Variants in AKAP7 observed in about 807,000 individuals in gnomAD.
AKAP7 encodes the protein A kinase (PRKA) anchor protein 7.
AKAP7 carries 39 observed loss-of-function variants against 39.5 expected under a neutral mutation model. The observed-to-expected ratio is 0.99, with a 90% CI of 0.76 to 1.29. The LOEUF (loss-of-function observed/expected upper bound fraction) is 1.29, where lower values mean the gene tolerates loss of function less well. AKAP7 is among the 50% of genes most tolerant of loss of function. The pLI is 0.00. For synonymous variants in AKAP7, 140 were observed against 139.1 expected, an observed-to-expected ratio of 1.01 and a Z score of -0.05; for missense variants, 414 against 407.7, an observed-to-expected ratio of 1.02 and a Z score of -0.13.
At chr6:131,168,384 C>G (rs1423500420) in intron 4 of AKAP7, among the ~76,000 whole-genome samples, 27 of 151,286 alleles carry the variant, frequency 1.8e-4, no homozygotes, top group Admixed American at 1.8e-3. Context: ...TGCACTCCAG[C>G]TTGGGTGACA....
At position 131,282,322 on chromosome 6, in the gene AKAP7, GT is replaced by G. The variant is rs1320572652; in HGVS notation, c.*603del. On this transcript the variant is annotated 3_prime_UTR_variant, in exon 8 of 8. Transcript: ENST00000431975. ...TATAAAATGTGGGCAACATTTTAAA[GT>G]TTTTTTAAAATCCTATTTTGATAAG... The G allele has an allele frequency of 1.3e-5, 17 of 1,359,190 alleles. 1 individual carries two copies. The South Asian group carries it at 2.9e-4, about 23-fold the overall frequency. The allele number at this position is 1,359,190 out of a possible 1,614,324, so 84.2% of individuals were successfully genotyped here.
intron 5 of AKAP7, among the ~76,000 whole-genome samples, chr6:131,187,280 G>A (rs1413435747): frequency 6.6e-6 from 1 of 151,900 alleles, no homozygotes; most frequent in African/African-American, 2.4e-5. Flanking sequence ...TCATTTATTT[G>A]TATTTTCTTT....
chr6:131,227,722 A>G (rs1810298711), intron 7 of AKAP7, among the ~76,000 whole-genome samples: 1 of 152,216 alleles, frequency 6.6e-6, no homozygotes, highest in South Asian at 2.1e-4. Context: ...TTTAGTCAGA[A>G]TGTGTCCAAT....
At chr6:131,153,983 G>T (rs569901757) in intron 2 of AKAP7, among the ~76,000 whole-genome samples, 1 of 152,140 alleles carries the variant, frequency 6.6e-6, no homozygotes, top group Non-Finnish European at 1.5e-5. Flanking sequence ...ACCGAGGAAC[G>T]TGGATCACCT....
intron 5 of AKAP7, among the ~76,000 whole-genome samples, chr6:131,175,348 C>A (rs1804476586): frequency 6.6e-6 from 1 of 152,036 alleles, no homozygotes; most frequent in African/African-American, 2.4e-5. Context: ...TTAGTTCAAA[C>A]CTGTGTTGTT....
chr6:131,162,327 T>C (rs1803048976), intron 3 of AKAP7, among the ~76,000 whole-genome samples: 1 of 152,234 alleles, frequency 6.6e-6, no homozygotes, highest in African/African-American at 2.4e-5. Flanking sequence ...TTTAACCTGC[T>C]GTAGCCTTTG....
chr6:131,164,473 T>C (rs1803284398), intron 3 of AKAP7: 1 of 455,540 alleles, frequency 2.2e-6, no homozygotes, highest in Admixed American at 2.4e-5. Flanking sequence ...AGATTCTGTT[T>C]TTCTAATGTG....
chr6:131,212,080 CAA>C (rs1482755163), intron 6 of AKAP7, among the ~76,000 whole-genome samples: 1 of 152,094 alleles, frequency 6.6e-6, no homozygotes, highest in Non-Finnish European at 1.5e-5. Context: ...AGTGAAAAAA[CAA>C]TGGTTGTGTT....
the AKAP7 span, among the ~76,000 whole-genome samples, chr6:131,129,976 T>A: frequency 1.3e-5 from 2 of 152,114 alleles, no homozygotes; most frequent in Non-Finnish European, 2.9e-5. Flanking sequence ...CAGGACCGTA[T>A]CACAGAAGAG....
intron 4 of AKAP7, among the ~76,000 whole-genome samples, chr6:131,168,821 A>G (rs1803753627): frequency 1.3e-5 from 2 of 152,198 alleles, no homozygotes; most frequent in Non-Finnish European, 2.9e-5. Context: ...TGAGTTGTTC[A>G]TATAATATTT....
chr6:131,227,082 A>G (rs923942672), intron 7 of AKAP7, among the ~76,000 whole-genome samples: 1 of 152,190 alleles, frequency 6.6e-6, no homozygotes, highest in Non-Finnish European at 1.5e-5. Context: ...GGAAGCTTAT[A>G]ATTTTACCAT....
intron 7 of AKAP7, among the ~76,000 whole-genome samples, chr6:131,255,408 C>T (rs557495263): frequency 2.0e-5 from 3 of 152,168 alleles, no homozygotes; most frequent in Non-Finnish European, 2.9e-5. Context: ...GGTTACTGAA[C>T]GTACCAGAGA....
chr6:131,220,217 A>G (rs1809578392), intron 7 of AKAP7, among the ~76,000 whole-genome samples: 1 of 152,192 alleles, frequency 6.6e-6, no homozygotes, highest in Non-Finnish European at 1.5e-5. Flanking sequence ...TTTCACCTTG[A>G]GAAGAGAAAA....
At chr6:131,135,199 G>T (rs1011057352), upstream of AKAP7, among the ~76,000 whole-genome samples, 12 of 152,228 alleles carry the variant, frequency 7.9e-5, no homozygotes, top group Non-Finnish European at 1.5e-4. Flanking sequence ...CCAGGCCAGA[G>T]AATTCTTTCA....
Position 131,211,670 on chromosome 6 carries a change from G to A in AKAP7, c.703-7991G>A, listed in dbSNP as rs187538204. Among the ~76,000 whole-genome samples the A allele has an allele frequency of 2.0e-5, 3 of 151,312 alleles. No individual in the cohort carries two copies. The East Asian group carries it at 5.8e-4, about 29-fold the overall frequency. On this transcript the variant is annotated intron_variant, in intron 6 of 7. Coordinates refer to ENST00000431975, the MANE Select transcript of AKAP7 (RefSeq NM_016377.4). ...CACCTGTAGTCCCAGCTGCTTGGGAGGCTGAGGCAGGGGAATGGCGAGAAC... is the reference window on the plus strand; with the variant it reads ...CACCTGTAGTCCCAGCTGCTTGGGAAGCTGAGGCAGGGGAATGGCGAGAAC...
At chr6:131,187,776 T>G (rs958356292) in intron 5 of AKAP7, among the ~76,000 whole-genome samples, 3 of 152,254 alleles carry the variant, frequency 2.0e-5, no homozygotes, top group African/African-American at 7.2e-5. Flanking sequence ...AGGTAGTCTC[T>G]CTTCCCTCAT....
chr6:131,213,876 T>C (rs1300439717), intron 6 of AKAP7, among the ~76,000 whole-genome samples: 2 of 152,174 alleles, frequency 1.3e-5, no homozygotes, highest in African/African-American at 2.4e-5. Context: ...GTTCTAGCGC[T>C]GTGCTTGTTG....
chr6:131,148,318 T>C (rs1801636731), intron 2 of AKAP7, among the ~76,000 whole-genome samples: 1 of 152,234 alleles, frequency 6.6e-6, no homozygotes, highest in Non-Finnish European at 1.5e-5. Flanking sequence ...CCATGTATTA[T>C]ATGACTTTTG....
chr6:131,254,253 T>C (rs1812675744), intron 7 of AKAP7, among the ~76,000 whole-genome samples: 1 of 152,184 alleles, frequency 6.6e-6, no homozygotes, highest in African/African-American at 2.4e-5. Flanking sequence ...ATATTATAGG[T>C]TTAACAAATA....
Sources: gnomAD v4.1 joint callset for allele counts (sites outside exome capture counted in the v4.1 genomes callset) on GRCh38, gnomAD v4.1.1 for gene constraint, MANE v1.5 for transcripts, NCBI Gene and HGNC (gene_info 2026-07-23, HGNC 2026-07-21) for gene names.